Variants in MYO16 observed in about 807,000 individuals in gnomAD.
The protein encoded by MYO16 is unconventional myosin-XVI.
Under a neutral mutation model 205.3 loss-of-function variants are expected in MYO16, and 94 were observed. The observed-to-expected ratio is 0.46, with a 90% CI of 0.39 to 0.54. The LOEUF (loss-of-function observed/expected upper bound fraction) is 0.54, where lower values mean the gene tolerates loss of function less well. Ranked by LOEUF, MYO16 falls within the 20% of genes least tolerant of loss-of-function variation. The probability of loss-of-function intolerance (pLI) is 0.00; values close to 1 mark genes in which losing one functional copy is unlikely to be tolerated. For missense variants in MYO16, 2,315 were observed against 2,387.5 expected, an observed-to-expected ratio of 0.97 and a Z score of 0.63; for synonymous variants, 988 against 954.0, an observed-to-expected ratio of 1.04 and a Z score of -0.66.
chr13:109,102,864 G>A (rs1889014521), intron 28 of MYO16, among the ~76,000 whole-genome samples: 1 of 151,848 alleles, frequency 6.6e-6, no homozygotes, highest in Non-Finnish European at 1.5e-5. Flanking sequence ...CCCATTTCAT[G>A]GCACTAATCT....
At chr13:108,897,703 T>A (rs972931140) in intron 14 of MYO16, among the ~76,000 whole-genome samples, 1 of 152,216 alleles carries the variant, frequency 6.6e-6, no homozygotes, top group African/African-American at 2.4e-5. Context: ...AGGTTTGAAA[T>A]CTTGATAACA....
rs532260983 is a variant in MYO16, at chr13:109,100,702, A to G, written c.3336-83A>G. On this transcript the variant is annotated intron_variant, in intron 27 of 34. Coordinates refer to ENST00000457511, the MANE Select transcript of MYO16 (RefSeq NM_001198950.3). Reference sequence around the variant, plus strand: ...AAGACGGGGAAACTTTTGGGAAACGATGTAACAAAGACAGCCCTGTTGAAT... The same window carrying G: ...AAGACGGGGAAACTTTTGGGAAACGGTGTAACAAAGACAGCCCTGTTGAAT... 2.9e-4 allele frequency: 315 copies of G among 1,087,582 alleles called. No individual in the cohort carries two copies. The African/African-American group carries it at 4.4e-3, about 15-fold the overall frequency. The allele number at this position is 1,087,582 out of a possible 1,614,324, so 67.4% of individuals were successfully genotyped here.
At chr13:109,116,362 T>G (rs1312778633) in intron 28 of MYO16, among the ~76,000 whole-genome samples, 1 of 152,106 alleles carries the variant, frequency 6.6e-6, no homozygotes, top group Non-Finnish European at 1.5e-5. Flanking sequence ...ACCAGGGGAT[T>G]GGAGGACAGA....
chr13:108,995,974 A>G (rs946541933), intron 21 of MYO16, among the ~76,000 whole-genome samples: 12 of 152,138 alleles, frequency 7.9e-5, no homozygotes, highest in Non-Finnish European at 1.5e-4. Flanking sequence ...ACACTTTTAC[A>G]CTGTTGGTGG....
chr13:109,196,671 A>C (rs1023784249), intron 34 of MYO16, among the ~76,000 whole-genome samples: 3 of 152,128 alleles, frequency 2.0e-5, no homozygotes, highest in African/African-American at 7.2e-5. Flanking sequence ...TGCTGGCCCC[A>C]CCCTAAGGGC....
intron 9 of MYO16, among the ~76,000 whole-genome samples, chr13:108,842,623 G>T (rs1220667422): frequency 6.6e-6 from 1 of 152,060 alleles, no homozygotes; most frequent in East Asian, 1.9e-4. Context: ...GTGAGGGTGT[G>T]TAGAAAAGGG....
chr13:109,034,518 G>A (rs1175097834), intron 23 of MYO16, among the ~76,000 whole-genome samples: 1 of 152,124 alleles, frequency 6.6e-6, no homozygotes, highest in Non-Finnish European at 1.5e-5. Flanking sequence ...GTTCCCTGAG[G>A]CCTCCCTAGC....
At chr13:108,592,315 G>A (rs138296157), upstream of MYO16, among the ~76,000 whole-genome samples, 2,101 of 128,744 alleles carry the variant, frequency 0.016, 45 homozygotes, top group South Asian at 0.066. Flanking sequence ...AGTTGTAGGG[G>A]GTGTGGGGCA....
the MYO16 span, among the ~76,000 whole-genome samples, chr13:108,590,307 T>C: frequency 6.6e-6 from 1 of 152,140 alleles, no homozygotes; most frequent in East Asian, 1.9e-4. Context: ...GTTTGGGAAG[T>C]TTTAAAGAGT....
At chr13:109,099,833 G>T (rs940588549) in intron 27 of MYO16, among the ~76,000 whole-genome samples, 1 of 152,112 alleles carries the variant, frequency 6.6e-6, no homozygotes, top group Non-Finnish European at 1.5e-5. Context: ...TCCCTTAATT[G>T]CACTAAGGAA....
intron 4 of MYO16, among the ~76,000 whole-genome samples, chr13:108,776,300 T>C (rs1886122967): frequency 1.3e-5 from 2 of 152,034 alleles, no homozygotes; most frequent in South Asian, 4.1e-4. Flanking sequence ...GAAAAAAGCA[T>C]GGGAAACTAA....
chr13:108,752,392 A>G (rs991258280), intron 4 of MYO16, among the ~76,000 whole-genome samples: 2 of 152,124 alleles, frequency 1.3e-5, no homozygotes, highest in Non-Finnish European at 2.9e-5. Flanking sequence ...ATTTGTTAGT[A>G]AGGGGCACAG....
intron 21 of MYO16, among the ~76,000 whole-genome samples, chr13:109,000,937 T>C (rs1885190898): frequency 6.6e-6 from 1 of 152,022 alleles, no homozygotes; most frequent in African/African-American, 2.4e-5. Context: ...AAGGAGAATA[T>C]AGTCATGAAT....
At chr13:108,655,163 C>T (rs938721471) in intron 1 of MYO16, among the ~76,000 whole-genome samples, 2 of 152,166 alleles carry the variant, frequency 1.3e-5, no homozygotes, top group African/African-American at 4.8e-5. Context: ...TTATGATAGC[C>T]GCTCTCCTCA....
At chr13:108,748,586 A>G (rs1885134622) in intron 4 of MYO16, among the ~76,000 whole-genome samples, 1 of 152,136 alleles carries the variant, frequency 6.6e-6, no homozygotes, top group African/African-American at 2.4e-5. Context: ...TTATTATAAG[A>G]CTACAGTAAT....
At chr13:108,574,659 C>A in the MYO16 span, among the ~76,000 whole-genome samples, 1 of 141,214 alleles carries the variant, frequency 7.1e-6, no homozygotes, top group African/African-American at 2.7e-5. Flanking sequence ...GGGGGCCTAC[C>A]AATAACAATT....
rs9559516 is a variant in MYO16 at position 109,207,597 on chromosome 13, T to C, written c.*761T>C. Reference sequence around the variant, plus strand: ...TGTATTTCTGGATAAGTGGATTGTGTACCCTTTAGTTAAATTTCACCTCCC... The same window carrying C: ...TGTATTTCTGGATAAGTGGATTGTGCACCCTTTAGTTAAATTTCACCTCCC... On this transcript the variant is annotated 3_prime_UTR_variant, in exon 35 of 35. Coordinates refer to ENST00000457511, the MANE Select transcript of MYO16 (RefSeq NM_001198950.3). 59,448 of 152,032 alleles carry C rather than the reference T, an allele frequency of 0.39. 14,208 individuals carry two copies. Among genetic ancestry groups the C allele is most frequent in the East Asian group, 0.82 (4,259 of 5,164 alleles). The allele number at this position is 152,032 out of a possible 1,614,324, so 9.4% of individuals were successfully genotyped here.
intron 23 of MYO16, among the ~76,000 whole-genome samples, chr13:109,028,732 T>C (rs1886446549): frequency 6.6e-6 from 1 of 151,128 alleles, no homozygotes; most frequent in African/African-American, 2.4e-5. Context: ...GTTGTAGCTC[T>C]AAACCACAAC....
chr13:108,574,497 A>G, the MYO16 span, among the ~76,000 whole-genome samples: 1 of 152,200 alleles, frequency 6.6e-6, no homozygotes, highest in Non-Finnish European at 1.5e-5. Context: ...ATGCTCAGTG[A>G]AGGCAGCACT....
Sources: gnomAD v4.1 joint callset for allele counts (sites outside exome capture counted in the v4.1 genomes callset) on GRCh38, gnomAD v4.1.1 for gene constraint, MANE v1.5 for transcripts, NCBI Gene and HGNC (gene_info 2026-07-23, HGNC 2026-07-21) for gene names.